The following STK10 variants were observed in gnomAD, a reference collection of about 807,000 sequenced individuals.
STK10 encodes serine/threonine kinase 10, also known as serine/threonine-protein kinase 10.
In STK10, 78 loss-of-function variants were observed where a neutral mutation model predicts 113.8. That is an observed-to-expected ratio of 0.69 (90% confidence interval 0.57 to 0.83). The LOEUF is 0.83. Ranked by LOEUF, STK10 falls within the 40% of genes least tolerant of loss-of-function variation. STK10 has a pLI of 0.00. For synonymous variants in STK10, 465 were observed against 494.7 expected, an observed-to-expected ratio of 0.94 and a Z score of 0.80; for missense variants, 1,109 against 1,280.1, an observed-to-expected ratio of 0.87 and a Z score of 2.04.
intron 1 of STK10, among the ~76,000 whole-genome samples, chr5:172,185,038 A>T (rs1183147065): frequency 6.6e-6 from 1 of 152,108 alleles, no homozygotes; most frequent in Non-Finnish European, 1.5e-5. Context: ...TGTGGATCGG[A>T]TGAGTTCCTT....
At chr5:172,150,978 C>G (rs1369082505) in intron 2 of STK10, among the ~76,000 whole-genome samples, 1 of 152,252 alleles carries the variant, frequency 6.6e-6, no homozygotes, top group Non-Finnish European at 1.5e-5. Flanking sequence ...CCACCAAGGG[C>G]AGGCACGTCC....
rs114733615 is a variant in STK10 at position 172,096,531 on chromosome 5, G to A, written c.900C>T (p.Asn300=). 3.8e-5 allele frequency: 61 copies of A among 1,613,652 alleles called. No individual in the cohort carries two copies. The East Asian group carries it at 1.4e-3, about 36-fold the overall frequency. Reference sequence around the variant, plus strand: ...CAGCCACCAGCTCCCGCAGAGCCTTGTTACTGGTGATGCTGCTGACGAAGG... The same window carrying A: ...CAGCCACCAGCTCCCGCAGAGCCTTATTACTGGTGATGCTGCTGACGAAGG... ...EHPFVSSITS[N]KALRELVAEA... The change falls in exon 8 of 19, where the codon AAC becomes AAT. Residue 300 remains asparagine (N), a synonymous_variant. Coordinates refer to ENST00000176763, the MANE Select transcript of STK10 (RefSeq NM_005990.4).
intron 16 of STK10, among the ~76,000 whole-genome samples, 187 bp downstream of exon 16, chr5:172,055,401 G>A (rs113642190): frequency 6.6e-6 from 1 of 152,008 alleles, no homozygotes; most frequent in Non-Finnish European, 1.5e-5. Context: ...TGTTGCCCAG[G>A]CTGGTCTCAA....
chr5:172,110,030 G>A (rs1386979495), intron 4 of STK10, among the ~76,000 whole-genome samples: 1 of 152,238 alleles, frequency 6.6e-6, no homozygotes, highest in Non-Finnish European at 1.5e-5. Context: ...CTTGGTTCCA[G>A]CCTCTGCTCT....
intron 3 of STK10, among the ~76,000 whole-genome samples, chr5:172,124,782 C>G (rs982080377): frequency 6.6e-6 from 1 of 152,148 alleles, no homozygotes; most frequent in Non-Finnish European, 1.5e-5. Context: ...GTGAGGTCAA[C>G]TCTTATGAAC....
Position 172,082,913 on chromosome 5 carries a change from A to G in STK10, c.1809+48T>C. 6.2e-7 allele frequency: 1 copy of G among 1,604,092 alleles called. No homozygotes were observed. The highest frequency in any genetic ancestry group is 8.5e-7 in the Non-Finnish European group (1 of 1,175,764). Reference sequence around the variant, plus strand: ...ACTATGTAGCTTCCACTGAGAGAACACCTGGAGGCAAGAAGCCCTGCAGGG... The same window carrying G: ...ACTATGTAGCTTCCACTGAGAGAACGCCTGGAGGCAAGAAGCCCTGCAGGG... On this transcript the variant is annotated intron_variant, in intron 11 of 18. Transcript: ENST00000176763. The surrounding 1 kb of genome is among the most constrained non-coding windows in gnomAD (Gnocchi z 4.3).
intron 3 of STK10, among the ~76,000 whole-genome samples, chr5:172,125,453 T>G (rs545121547): frequency 6.6e-6 from 1 of 152,258 alleles, no homozygotes; most frequent in Non-Finnish European, 1.5e-5. Flanking sequence ...GGCATCACCT[T>G]GGCTCACTGC....
At chr5:172,127,861 C>A (rs920558038) in intron 2 of STK10, among the ~76,000 whole-genome samples, 1 of 152,336 alleles carries the variant, frequency 6.6e-6, no homozygotes, top group East Asian at 1.9e-4. Context: ...CTGTCTCAGG[C>A]TCTCTCCATC....
At chr5:172,140,772 T>C (rs1769956547) in intron 2 of STK10, among the ~76,000 whole-genome samples, 2 of 152,086 alleles carry the variant, frequency 1.3e-5, no homozygotes, top group Non-Finnish European at 2.9e-5. Flanking sequence ...TGGGTATTTA[T>C]CCAAAAGCAT....
At chr5:172,171,306 CT>C (rs1770661195) in intron 1 of STK10, among the ~76,000 whole-genome samples, 1 of 152,184 alleles carries the variant, frequency 6.6e-6, no homozygotes, top group African/African-American at 2.4e-5. Context: ...GAGGGGACTT[CT>C]TTGTCCTCAC....
At chr5:172,051,028 G>A (rs796298789) in intron 18 of STK10, among the ~76,000 whole-genome samples, 2 of 151,342 alleles carry the variant, frequency 1.3e-5, no homozygotes, top group African/African-American at 4.9e-5. Flanking sequence ...CAGGAGAATC[G>A]CTTGAACCTG....
intron 2 of STK10, among the ~76,000 whole-genome samples, chr5:172,151,386 C>T (rs1392265120): frequency 6.6e-6 from 1 of 151,884 alleles, no homozygotes; most frequent in Non-Finnish European, 1.5e-5. Flanking sequence ...ACTCTTGTCA[C>T]CCAGGCTGGA....
At chr5:172,047,899 G>GCTTT (rs1767526749) in intron 18 of STK10, among the ~76,000 whole-genome samples, 1 of 109,802 alleles carries the variant, frequency 9.1e-6, no homozygotes, top group African/African-American at 3.8e-5. Flanking sequence ...TGTTTTTTGG[G>GCTTT]TTTTTTTTTT....
intron 1 of STK10, among the ~76,000 whole-genome samples, chr5:172,168,052 C>A (rs933758738): frequency 6.6e-6 from 1 of 152,198 alleles, no homozygotes; most frequent in African/African-American, 2.4e-5. Context: ...CCCAGCTGAC[C>A]TGTCGGATGA....
chr5:172,108,905 C>T (rs969648920), intron 4 of STK10, among the ~76,000 whole-genome samples: 3 of 151,860 alleles, frequency 2.0e-5, no homozygotes, highest in African/African-American at 7.3e-5. Context: ...GTGCCTCAGC[C>T]TCCCAAGTAG....
rs1427886285 is a variant in STK10, at chr5:172,057,409, C to T, written c.2277G>A (p.Lys759=). The T allele has an allele frequency of 7.7e-6, 12 of 1,553,570 alleles. No individual in the cohort carries two copies. Among genetic ancestry groups the T allele is most frequent in the Non-Finnish European group, 9.6e-6 (11 of 1,148,860 alleles). The change falls in exon 15 of 19, where the codon AAG becomes AAA. Residue 759 remains lysine, a synonymous_variant. Coordinates refer to ENST00000176763, the MANE Select transcript of STK10 (RefSeq NM_005990.4). ...HQLQERHQLV[K]QQLKDQYFLQ... ...GGAAGTACTGGTCTTTGAGCTGCTGCTTCACCAGCTGGTGCCTCTCCTGCA... is the reference window on the plus strand; with the variant it reads ...GGAAGTACTGGTCTTTGAGCTGCTGTTTCACCAGCTGGTGCCTCTCCTGCA...
At position 172,082,897 on chromosome 5, in the gene STK10, C is replaced by T; in HGVS notation, c.1809+64G>A. On this transcript the variant is annotated intron_variant, in intron 11 of 18. Transcript: ENST00000176763. This position sits in a 1 kb window ranked among gnomAD's most constrained non-coding sequence, Gnocchi z 4.3. ...CTACCCAATCATTCCCACTATGTAG[C>T]TTCCACTGAGAGAACACCTGGAGGC... The T allele has an allele frequency of 1.3e-6, 2 of 1,594,442 alleles. No homozygotes were observed. Among genetic ancestry groups the T allele is most frequent in the Non-Finnish European group, 1.7e-6 (2 of 1,171,810 alleles).
At chr5:172,176,144 T>C (rs1242742444) in intron 1 of STK10, among the ~76,000 whole-genome samples, 1 of 152,146 alleles carries the variant, frequency 6.6e-6, no homozygotes, top group East Asian at 1.9e-4. Context: ...GATTGTACCA[T>C]TACCATCACC....
At chr5:172,151,294 G>T (rs1030818307) in intron 2 of STK10, among the ~76,000 whole-genome samples, 3 of 152,066 alleles carry the variant, frequency 2.0e-5, no homozygotes, top group African/African-American at 7.2e-5. Context: ...GACGGATTGC[G>T]AACCTGCAGG....
Sources: gnomAD v4.1 joint callset for allele counts (sites outside exome capture counted in the v4.1 genomes callset) on GRCh38, gnomAD v4.1.1 for gene constraint, Gnocchi (gnomAD v3.1) non-coding constraint, MANE v1.5 for transcripts, NCBI Gene and HGNC (gene_info 2026-07-23, HGNC 2026-07-21) for gene names.